Variants in SAP130 observed in about 807,000 individuals in gnomAD.
The protein encoded by SAP130 is histone deacetylase complex subunit SAP130.
In SAP130, 16 loss-of-function variants were observed where a neutral mutation model predicts 103.2. That is an observed-to-expected ratio of 0.16 (90% CI 0.10 to 0.24). SAP130 has a LOEUF of 0.24. SAP130 is among the 10% of genes least tolerant of loss of function. SAP130 has a pLI of 1.00. For synonymous variants in SAP130, 477 were observed against 497.0 expected (o/e 0.96, Z 0.53); for missense variants, 990 against 1,359.7 (o/e 0.73, Z 4.28).
At chr2:127,988,667 T>C (rs972307104) in intron 13 of SAP130, among the ~76,000 whole-genome samples, 20 of 151,750 alleles carry the variant, frequency 1.3e-4, no homozygotes, top group East Asian at 5.8e-4. Context: ...CTGGGCAACA[T>C]GGCAAAACTC....
intron 4 of SAP130, 96 bp downstream of exon 4, chr2:128,016,293 T>A (rs1203056596): frequency 7.7e-7 from 1 of 1,294,894 alleles, no homozygotes; most frequent in Non-Finnish European, 1.1e-6. Context: ...GATCTTTTTT[T>A]ATTACCGTGA....
intron 7 of SAP130, among the ~76,000 whole-genome samples, chr2:128,009,979 C>T (rs906387756): frequency 6.6e-6 from 1 of 152,076 alleles, no homozygotes; most frequent in African/African-American, 2.4e-5. Flanking sequence ...TCCCCTGCAC[C>T]ACCCACCCTG....
At chr2:128,021,577 TGGGGAATAG>T (rs1187975118) in intron 2 of SAP130, among the ~76,000 whole-genome samples, 2 of 152,210 alleles carry the variant, frequency 1.3e-5, no homozygotes, top group African/African-American at 4.8e-5. Context: ...ACCTCTTTAT[TGGGGAATAG>T]ATTACATAGA....
At chr2:128,004,722 A>C (rs1266471557) in intron 7 of SAP130, among the ~76,000 whole-genome samples, 4 of 152,214 alleles carry the variant, frequency 2.6e-5, no homozygotes, top group Non-Finnish European at 4.4e-5. Context: ...GACACAGATA[A>C]GCCCCGTCTG....
intron 15 of SAP130, among the ~76,000 whole-genome samples, chr2:127,965,647 G>T (rs1481427911): frequency 6.6e-6 from 1 of 152,016 alleles, no homozygotes; most frequent in Admixed American, 6.6e-5. Context: ...AAAATTAGCT[G>T]GGCATAGTGG....
At chr2:128,023,235 C>G (rs986526582) in intron 2 of SAP130, among the ~76,000 whole-genome samples, 1 of 152,170 alleles carries the variant, frequency 6.6e-6, no homozygotes, top group Non-Finnish European at 1.5e-5. Context: ...CTCAGGTGAT[C>G]TGCCCACCTC....
chr2:128,017,621 A>T, intron 3 of SAP130, 59 bp downstream of exon 3: 1 of 1,397,344 alleles, frequency 7.2e-7, no homozygotes, highest in Non-Finnish European at 1.0e-6. Flanking sequence ...ACAAATTGTT[A>T]CAAACATTAG....
intron 1 of SAP130, chr2:128,027,068 A>C: frequency 7.1e-7 from 1 of 1,411,458 alleles, no homozygotes; most frequent in African/African-American, 1.5e-5. Context: ...ACCCGACCAC[A>C]AGACGAGCAC....
At chr2:128,010,503 A>G in intron 6 of SAP130, 110 bp from the exon 7 acceptor site, 2 of 1,061,812 alleles carry the variant, frequency 1.9e-6, no homozygotes. Flanking sequence ...GTTTCTGCCC[A>G]AGTAAAAATA....
At chr2:127,984,598 G>A (rs755799125) in intron 14 of SAP130, among the ~76,000 whole-genome samples, 4 of 152,130 alleles carry the variant, frequency 2.6e-5, no homozygotes, top group Non-Finnish European at 5.9e-5. Flanking sequence ...CCCTTGGGCT[G>A]GATAGACTCC....
intron 15 of SAP130, among the ~76,000 whole-genome samples, chr2:127,971,846 T>C (rs1174568467): frequency 1.3e-5 from 2 of 152,254 alleles, no homozygotes; most frequent in Non-Finnish European, 2.9e-5. Flanking sequence ...CCTGTCAACA[T>C]CTTTTGGTCA....
chr2:127,969,519 C>A (rs1259778454), intron 15 of SAP130, among the ~76,000 whole-genome samples: 1 of 152,144 alleles, frequency 6.6e-6, no homozygotes, highest in South Asian at 2.1e-4. Context: ...TGAGTTAAGA[C>A]CTGTATTAGA....
At chr2:128,001,337 T>TCC (rs1046254553) in intron 7 of SAP130, among the ~76,000 whole-genome samples, 9 of 152,212 alleles carry the variant, frequency 5.9e-5, no homozygotes, top group African/African-American at 2.2e-4. Context: ...AAGTGAGCTC[T>TCC]CCAGCCTGGG....
At position 127,986,966 on chromosome 2, in the gene SAP130, C is replaced by T. The variant is rs368027557; in HGVS notation, c.1781-4G>A. ...GCTCCATCTGCCAACACCACTGCTA[C>T]AGGAGAGAGGCAACAGGAAAGAACA... On this transcript the variant is annotated splice_region_variant and splice_polypyrimidine_tract_variant and intron_variant, in intron 13 of 20. Coordinates refer to ENST00000643581, the MANE Select transcript of SAP130 (RefSeq NM_001330301.2). The surrounding 1 kb of genome is among the most constrained non-coding windows in gnomAD (Gnocchi z 4.7). The T allele has an allele frequency of 2.1e-5, 33 of 1,606,646 alleles. No homozygotes were observed. The highest frequency in any genetic ancestry group is 2.7e-5 in the Non-Finnish European group (32 of 1,173,998).
At chr2:127,969,863 G>A (rs539470430) in intron 15 of SAP130, among the ~76,000 whole-genome samples, 2 of 152,240 alleles carry the variant, frequency 1.3e-5, no homozygotes, top group African/African-American at 4.8e-5. Context: ...GGGAGGCCAA[G>A]GCAAGAGGAT....
chr2:128,027,095 T>C (rs748202638), intron 1 of SAP130: 40 of 1,431,070 alleles, frequency 2.8e-5, no homozygotes, highest in African/African-American at 1.7e-4. Context: ...TCTTTACCTG[T>C]AGCCGCCGCC....
chr2:127,966,804 T>C (rs1680692715), intron 15 of SAP130, among the ~76,000 whole-genome samples: 1 of 152,192 alleles, frequency 6.6e-6, no homozygotes, highest in South Asian at 2.1e-4. Flanking sequence ...GATAAATCTT[T>C]TGAAAAAATA....
In SAP130 at chr2:128,028,020, G is replaced by C; in HGVS notation, c.-87C>G. 1 of 981,848 alleles carries C rather than the reference G, an allele frequency of 1.0e-6. No individual in the cohort carries two copies. The allele number at this position is 981,848 out of a possible 1,614,324, so 60.8% of individuals were successfully genotyped here. ...TCCGTCTGTGGGGCCGACGTCCCCA[G>C]GCTCCGGACCCGCAGCCACCGCCGG... On this transcript the variant is annotated 5_prime_UTR_variant, in exon 1 of 21. Coordinates refer to ENST00000643581, the MANE Select transcript of SAP130 (RefSeq NM_001330301.2).
intron 15 of SAP130, among the ~76,000 whole-genome samples, chr2:127,966,989 A>C (rs1680703271): frequency 6.6e-6 from 1 of 152,194 alleles, no homozygotes; most frequent in South Asian, 2.1e-4. Flanking sequence ...ATTTCATGAA[A>C]ACAGTAAGTA....
Sources: gnomAD v4.1 joint callset for allele counts (sites outside exome capture counted in the v4.1 genomes callset) on GRCh38, gnomAD v4.1.1 for gene constraint, Gnocchi (gnomAD v3.1) non-coding constraint, MANE v1.5 for transcripts, NCBI Gene and HGNC (gene_info 2026-07-23, HGNC 2026-07-21) for gene names.